Variants in TXNRD2 observed in about 807,000 individuals in gnomAD.
TXNRD2 encodes the protein thioredoxin reductase 2, also known as thioredoxin reductase 2, mitochondrial.
TXNRD2 carries 67 observed loss-of-function variants against 70.8 expected under a neutral mutation model. That is an observed-to-expected ratio of 0.95 (90% CI 0.78 to 1.16). The LOEUF is 1.16. Ranked by LOEUF, TXNRD2 falls within the 50% of genes most tolerant of loss-of-function variation. The pLI is 0.00. For synonymous variants in TXNRD2, 301 were observed against 295.8 expected, an observed-to-expected ratio of 1.02 and a Z score of -0.18; for missense variants, 644 against 719.9, an observed-to-expected ratio of 0.89 and a Z score of 1.21.
intron 9 of TXNRD2, among the ~76,000 whole-genome samples, chr22:19,898,710 T>A (rs964851018): frequency 6.6e-6 from 1 of 152,010 alleles, no homozygotes; most frequent in African/African-American, 2.4e-5. Flanking sequence ...GATGTCCCCT[T>A]GACCCCAGGC....
chr22:19,928,323 G>C (rs996396629), intron 2 of TXNRD2, among the ~76,000 whole-genome samples: 1 of 152,070 alleles, frequency 6.6e-6, no homozygotes, highest in Non-Finnish European at 1.5e-5. Flanking sequence ...AACAATTCAA[G>C]TGTCCAGCTA....
chr22:19,900,307 A>G (rs940305767), intron 8 of TXNRD2, among the ~76,000 whole-genome samples: 1 of 152,228 alleles, frequency 6.6e-6, no homozygotes, highest in African/African-American at 2.4e-5. Context: ...CTTGGGAAAC[A>G]GGCACCACGG....
intron 2 of TXNRD2, among the ~76,000 whole-genome samples, chr22:19,920,815 TTGCTTGGCTGGG>T (rs1167397951): frequency 6.6e-6 from 1 of 152,154 alleles, no homozygotes; most frequent in East Asian, 1.9e-4. Flanking sequence ...AAAATCCATT[TTGCTTGGCTGGG>T]TGCAGCGGCT....
chr22:19,904,851 G>A (rs1424875970), intron 8 of TXNRD2, among the ~76,000 whole-genome samples: 3 of 152,202 alleles, frequency 2.0e-5, no homozygotes, highest in Non-Finnish European at 4.4e-5. Flanking sequence ...TGTCCCACCC[G>A]ACTACGGGAG....
chr22:19,910,871 T>C (rs1255984139), intron 8 of TXNRD2: 7 of 254,288 alleles, frequency 2.8e-5, no homozygotes, highest in Non-Finnish European at 3.9e-5. Flanking sequence ...GGTCAGGAGT[T>C]CAAGACCAGC....
At position 19,915,003 on chromosome 22, in the gene TXNRD2, T is replaced by C. The variant is rs4597638; in HGVS notation, c.591+211A>G. 0.1 allele frequency: 59,774 copies of C among 578,274 alleles called. 4,115 individuals are homozygous for C. Among genetic ancestry groups the C allele is most frequent in the East Asian group, 0.24 (7,497 of 31,554 alleles). The allele number at this position is 578,274 out of a possible 1,614,324, so 35.8% of individuals were successfully genotyped here. A position where few individuals can be genotyped will look rare whatever the true frequency, so the allele number is the denominator to read the frequency against. On this transcript the variant is annotated intron_variant, in intron 7 of 17. Coordinates refer to ENST00000400521, the MANE Select transcript of TXNRD2 (RefSeq NM_006440.5). ...GGGGAGAGCAGAACGAGAGCTGTCC[T>C]GAGGATCTGGCAGCGTGGAGGCCAC...
chr22:19,892,612 C>T (rs1352549778), intron 11 of TXNRD2, among the ~76,000 whole-genome samples: 5 of 152,236 alleles, frequency 3.3e-5, no homozygotes, highest in Non-Finnish European at 5.9e-5. Context: ...ACACAGCCCC[C>T]GGCCCATTGG....
chr22:19,934,455 A>G (rs9618717), intron 1 of TXNRD2, among the ~76,000 whole-genome samples: 69,325 of 150,660 alleles, frequency 0.46, 16,296 homozygotes, highest in African/African-American at 0.5. Context: ...GGAAGTCAGG[A>G]ACCCCGAATG....
At chr22:19,909,542 CATAACCACTCACACA>C (rs1940228175) in intron 8 of TXNRD2, among the ~76,000 whole-genome samples, 1 of 116,714 alleles carries the variant, frequency 8.6e-6, no homozygotes, top group African/African-American at 3.5e-5. Context: ...CACACACACA[CATAACCACTCACACA>C]CTACTCACAT....
At chr22:19,890,602 G>A (rs552046033) in intron 11 of TXNRD2, among the ~76,000 whole-genome samples, 6 of 152,182 alleles carry the variant, frequency 3.9e-5, no homozygotes, top group Non-Finnish European at 7.4e-5. Flanking sequence ...CACCCACCGC[G>A]GCCCCTAAGC....
intron 14 of TXNRD2, among the ~76,000 whole-genome samples, chr22:19,879,383 C>T (rs923266066): frequency 9.2e-5 from 14 of 152,100 alleles, no homozygotes; most frequent in African/African-American, 2.2e-4. Context: ...TACCACGGCC[C>T]GGCAGGCTTC....
At chr22:19,885,455 G>A (rs999981670) in intron 11 of TXNRD2, among the ~76,000 whole-genome samples, 3 of 145,700 alleles carry the variant, frequency 2.1e-5, no homozygotes, top group African/African-American at 7.3e-5. Flanking sequence ...GCCAGCTTGC[G>A]GGAGGCCGGC....
intron 7 of TXNRD2, among the ~76,000 whole-genome samples, 193 bp from the exon 8 acceptor site, chr22:19,911,640 A>C (rs1459801748): frequency 6.6e-6 from 1 of 152,104 alleles, no homozygotes; most frequent in Non-Finnish European, 1.5e-5. Flanking sequence ...TCTGCATCTA[A>C]GCTGCTGCAC....
intron 1 of TXNRD2, among the ~76,000 whole-genome samples, chr22:19,936,941 G>T (rs2146106899): frequency 6.6e-6 from 1 of 152,136 alleles, no homozygotes; most frequent in African/African-American, 2.4e-5. Context: ...ATGCTCAAGG[G>T]GTACAAGTGT....
intron 11 of TXNRD2, among the ~76,000 whole-genome samples, chr22:19,891,949 G>C (rs1015716953): frequency 6.6e-6 from 1 of 152,352 alleles, no homozygotes; most frequent in African/African-American, 2.4e-5. Flanking sequence ...CATGGTCCTC[G>C]CCAGCTGCGG....
chr22:19,877,719 C>T lies in TXNRD2; in HGVS notation c.1445+371G>A, dbSNP rs536487647. ...GGACCCCGAAAACACACAGCCTGAG[C>T]CCAAGACCCAGGCAATGGCCCCAGC... On this transcript the variant is annotated intron_variant, in intron 16 of 17. Transcript: ENST00000400521. Among the ~76,000 whole-genome samples the T allele has an allele frequency of 3.1e-4, 47 of 152,362 alleles. 1 individual carries two copies. In the South Asian group the frequency reaches 6.8e-3, roughly 22 times the overall value.
chr22:19,903,899 T>C (rs1357231345), intron 8 of TXNRD2, among the ~76,000 whole-genome samples: 1 of 152,174 alleles, frequency 6.6e-6, no homozygotes, highest in Non-Finnish European at 1.5e-5. Flanking sequence ...GCAGTGGCCA[T>C]TGTTCCCAGA....
At chr22:19,908,786 TACTC>T (rs747264235) in intron 8 of TXNRD2, among the ~76,000 whole-genome samples, 49 of 152,316 alleles carry the variant, frequency 3.2e-4, no homozygotes, top group Non-Finnish European at 5.4e-4. Flanking sequence ...AATGGAATAT[TACTC>T]AGTCTTAAAA....
intron 1 of TXNRD2, among the ~76,000 whole-genome samples, chr22:19,939,103 C>T (rs1468564606): frequency 1.3e-5 from 2 of 152,126 alleles, no homozygotes; most frequent in African/African-American, 2.4e-5. Flanking sequence ...TCGTCAATCC[C>T]GTCTGGGTGC....
Sources: allele counts gnomAD v4.1 joint callset (sites outside exome capture counted in the v4.1 genomes callset), GRCh38; gene constraint gnomAD v4.1.1; transcripts MANE v1.5; gene names NCBI Gene and HGNC (gene_info 2026-07-23, HGNC 2026-07-21).